Variants in CAST observed in about 807,000 individuals in gnomAD.
The protein encoded by CAST is MIR583 host.
Under a neutral mutation model 119.6 loss-of-function variants are expected in CAST, and 76 were observed. The observed-to-expected ratio is 0.64, with a 90% CI of 0.53 to 0.77. The LOEUF (loss-of-function observed/expected upper bound fraction) is 0.77. CAST is among the 30% of genes least tolerant of loss of function. The pLI is 0.00. For missense variants in CAST, 953 were observed against 946.5 expected, an observed-to-expected ratio of 1.01 and a Z score of -0.09; for synonymous variants, 319 against 331.6, an observed-to-expected ratio of 0.96 and a Z score of 0.41.
At chr5:96,702,564 G>A (rs997577162) in intron 3 of CAST, among the ~76,000 whole-genome samples, 2 of 152,334 alleles carry the variant, frequency 1.3e-5, no homozygotes, top group African/African-American at 4.8e-5. Flanking sequence ...GTAGTCACAG[G>A]GTGACAGCCG....
intron 10 of CAST, among the ~76,000 whole-genome samples, chr5:96,736,827 A>ACC (rs749674239): frequency 4.8e-4 from 73 of 152,206 alleles, no homozygotes; most frequent in Non-Finnish European, 1.9e-4. Context: ...CTTATTTATT[A>ACC]TTATATTAGT....
the CAST span, among the ~76,000 whole-genome samples, chr5:96,324,226 T>G: frequency 6.6e-6 from 1 of 152,186 alleles, no homozygotes; most frequent in Non-Finnish European, 1.5e-5. Context: ...TTGAGCTGTC[T>G]CCATTTCTTA....
the CAST span, among the ~76,000 whole-genome samples, chr5:96,064,300 A>G: frequency 6.6e-6 from 1 of 152,170 alleles, no homozygotes; most frequent in South Asian, 2.1e-4. Context: ...TGAAGGTTGA[A>G]TAGAGATTAT....
At chr5:96,330,175 A>T in the CAST span, among the ~76,000 whole-genome samples, 1 of 152,220 alleles carries the variant, frequency 6.6e-6, no homozygotes, top group African/African-American at 2.4e-5. Context: ...CTGATATTTG[A>T]CCATTTTTTA....
chr5:96,044,272 G>C, the CAST span, among the ~76,000 whole-genome samples: 1 of 152,162 alleles, frequency 6.6e-6, no homozygotes, highest in Non-Finnish European at 1.5e-5. Context: ...AGAAGGTTGT[G>C]ACTTTGGAAG....
intron 1 of CAST, among the ~76,000 whole-genome samples, chr5:96,636,315 T>C (rs993223273): frequency 3.9e-5 from 6 of 152,220 alleles, no homozygotes; most frequent in Admixed American, 2.0e-4. Flanking sequence ...ACTCGAGGGA[T>C]GGACTCATTA....
chr5:96,407,977 G>C, the CAST span, among the ~76,000 whole-genome samples: 10 of 152,116 alleles, frequency 6.6e-5, no homozygotes, highest in Admixed American at 3.3e-4. Context: ...ATTGTAGAAT[G>C]GGTTTTAAAA....
the CAST span, chr5:96,397,271 C>A: frequency 2.8e-6 from 4 of 1,433,590 alleles, no homozygotes; most frequent in South Asian, 4.7e-5. Flanking sequence ...TGAAATCAAC[C>A]TTAAAAGTGC....
the CAST span, among the ~76,000 whole-genome samples, chr5:96,370,350 A>G: frequency 3.3e-5 from 5 of 152,202 alleles, 1 homozygote; most frequent in South Asian, 1.0e-3. Context: ...TTCTAGGAGT[A>G]AGAGAGACAA....
chr5:95,971,030 C>A, the CAST span, among the ~76,000 whole-genome samples: 3 of 152,128 alleles, frequency 2.0e-5, no homozygotes, highest in Non-Finnish European at 2.9e-5. Context: ...ATGACTGTGA[C>A]CCCTGATGAG....
chr5:96,085,215 ACTGT>A, the CAST span, among the ~76,000 whole-genome samples: 2 of 152,136 alleles, frequency 1.3e-5, no homozygotes, highest in African/African-American at 4.8e-5. Flanking sequence ...TTGAATGTCT[ACTGT>A]CTATCAATTA....
the CAST span, among the ~76,000 whole-genome samples, chr5:96,177,321 T>C: frequency 2.6e-5 from 4 of 152,192 alleles, no homozygotes; most frequent in African/African-American, 4.8e-5. Context: ...TGTGGCACTT[T>C]TGATTATATG....
At chr5:96,429,118 A>C in the CAST span, 1 of 733,668 alleles carries the variant, frequency 1.4e-6, no homozygotes. Flanking sequence ...ATAAAAAAAA[A>C]ACCACATTTG....
intron 3 of CAST, among the ~76,000 whole-genome samples, chr5:96,700,999 T>C (rs1044501060): frequency 5.3e-5 from 8 of 152,000 alleles, no homozygotes; most frequent in South Asian, 2.1e-4. Context: ...TGATCTCAGC[T>C]CACTGCAACC....
the CAST span, among the ~76,000 whole-genome samples, chr5:96,032,980 G>A: frequency 1.3e-5 from 2 of 152,056 alleles, no homozygotes. Flanking sequence ...CAGTAAAGTT[G>A]CAGGATACAC....
chr5:96,025,479 C>A, the CAST span, among the ~76,000 whole-genome samples: 32 of 152,198 alleles, frequency 2.1e-4, no homozygotes, highest in Admixed American at 5.9e-4. Context: ...TTGGGGGGGA[C>A]ACAACAATCA....
the CAST span, among the ~76,000 whole-genome samples, chr5:96,507,509 G>A: frequency 2.0e-5 from 3 of 151,024 alleles, no homozygotes; most frequent in Admixed American, 2.0e-4. Context: ...TCTGTGGAGA[G>A]CACCAGAAGA....
the CAST span, among the ~76,000 whole-genome samples, chr5:96,115,870 A>G: frequency 6.6e-6 from 1 of 151,790 alleles, no homozygotes; most frequent in Non-Finnish European, 1.5e-5. Flanking sequence ...AAAGAGCAAG[A>G]TTTTGTAGAA....
intron 1 of CAST, among the ~76,000 whole-genome samples, chr5:96,549,824 G>A (rs1301399799): frequency 1.3e-5 from 2 of 152,216 alleles, no homozygotes; most frequent in African/African-American, 4.8e-5. Context: ...CTGGGACGTG[G>A]GAGCTTGGGA....
Sources: gnomAD v4.1 joint callset for allele counts (sites outside exome capture counted in the v4.1 genomes callset) on GRCh38, gnomAD v4.1.1 for gene constraint, MANE v1.5 for transcripts, NCBI Gene and HGNC (gene_info 2026-07-23, HGNC 2026-07-21) for gene names.